Variants in OPRD1 observed in about 807,000 individuals in gnomAD.
The protein encoded by OPRD1 is delta-type opioid receptor.
In OPRD1, 19 loss-of-function variants were observed where a neutral mutation model predicts 17.5. The observed-to-expected ratio is 1.09, with a 90% CI of 0.76 to 1.60. OPRD1 has a LOEUF of 1.60. Among genes scored for constraint, OPRD1 ranks in the 40% most tolerant of loss-of-function variants. OPRD1 has a pLI of 0.00. For synonymous variants in OPRD1, 256 were observed against 240.9 expected, an observed-to-expected ratio of 1.06 and a Z score of -0.58; for missense variants, 483 against 547.2, an observed-to-expected ratio of 0.88 and a Z score of 1.17.
At chr1:28,854,542 C>T (rs910389317) in intron 1 of OPRD1, among the ~76,000 whole-genome samples, 7 of 151,952 alleles carry the variant, frequency 4.6e-5, no homozygotes, top group African/African-American at 1.7e-4. Flanking sequence ...TTAGAGTGAG[C>T]CGCCAACTTA....
rs548071508 is a variant in OPRD1, at chr1:28,821,167, A to G, written c.227+8557A>G. 4.6e-5 allele frequency among the ~76,000 whole-genome samples: 7 copies of G among 152,148 alleles called. No homozygotes were observed. The South Asian group carries it at 1.5e-3, about 32-fold the overall frequency. ...ATCCAGGCTGGAGCACAATGGCACA[A>G]TCTCGGCTCACTGCAACCTCTGCCT... On this transcript the variant is annotated intron_variant, in intron 1 of 2. Transcript: ENST00000234961.
intron 1 of OPRD1, among the ~76,000 whole-genome samples, chr1:28,852,113 G>T (rs2089009319): frequency 6.9e-6 from 1 of 144,598 alleles, no homozygotes; most frequent in Non-Finnish European, 1.5e-5. Flanking sequence ...CTTGGAGTGA[G>T]CCGAGATCAC....
At chr1:28,845,457 C>T (rs920845505) in intron 1 of OPRD1, among the ~76,000 whole-genome samples, 6 of 143,300 alleles carry the variant, frequency 4.2e-5, no homozygotes, top group Admixed American at 1.4e-4. Flanking sequence ...CCAGCCTGGG[C>T]GACAGAGTGA....
At chr1:28,816,784 A>G (rs765851292) in intron 1 of OPRD1, among the ~76,000 whole-genome samples, 1 of 152,044 alleles carries the variant, frequency 6.6e-6, no homozygotes, top group Non-Finnish European at 1.5e-5. Flanking sequence ...TCCTCCGGGC[A>G]GAGTCAGTGT....
intron 1 of OPRD1, among the ~76,000 whole-genome samples, chr1:28,819,807 A>G (rs2088697415): frequency 1.3e-5 from 2 of 152,042 alleles, no homozygotes; most frequent in Admixed American, 1.3e-4. Flanking sequence ...GAAGCGAGGA[A>G]TGGGGATGGG....
At chr1:28,850,508 A>T (rs1318724932) in intron 1 of OPRD1, among the ~76,000 whole-genome samples, 2 of 151,776 alleles carry the variant, frequency 1.3e-5, no homozygotes, top group South Asian at 2.1e-4. Flanking sequence ...TTTTTAGTAG[A>T]GATGAGGTTT....
At chr1:28,858,671 A>C (rs966203229) in intron 1 of OPRD1, among the ~76,000 whole-genome samples, 2 of 149,218 alleles carry the variant, frequency 1.3e-5, no homozygotes, top group Non-Finnish European at 3.0e-5. Flanking sequence ...TCAGCCTCCC[A>C]AGTAGCTGGA....
rs1424849321 is a variant in OPRD1 at position 28,824,686 on chromosome 1, C to T, written c.227+12076C>T. Among the ~76,000 whole-genome samples the T allele has an allele frequency of 3.3e-5, 5 of 152,066 alleles. No individual in the cohort carries two copies. The East Asian group carries it at 9.6e-4, about 29-fold the overall frequency. ...GCCTAGAGATGTATATATATTATCC[C>T]ATTTAATTTTTGCAGACCTCGTAGG... On this transcript the variant is annotated intron_variant, in intron 1 of 2. Transcript: ENST00000234961.
At position 28,812,461 on chromosome 1, in the gene OPRD1, CTGCCCCAGCGCT is replaced by C. The variant is rs2088638936; in HGVS notation, c.79_90del (p.Cys27_Ala30del). The C allele has an allele frequency of 6.6e-7, 1 of 1,522,078 alleles. No individual in the cohort carries two copies. The highest frequency in any genetic ancestry group is 2.6e-5 in the East Asian group (1 of 38,342). The allele number at this position is 1,522,078 out of a possible 1,614,324, so 94.3% of individuals were successfully genotyped here. On this transcript the variant is annotated inframe_deletion, in exon 1 of 3. Coordinates refer to ENST00000234961, the MANE Select transcript of OPRD1 (RefSeq NM_000911.4). ...ACGCCTCGGACGCCTACCCTAGCGC[CTGCCCCAGCGCT>C]GGCGCCAATGCGTCGGGGCCGCCAG...
At chr1:28,833,260 G>A (rs1281884428) in intron 1 of OPRD1, among the ~76,000 whole-genome samples, 1 of 152,228 alleles carries the variant, frequency 6.6e-6, no homozygotes, top group Admixed American at 6.5e-5. Context: ...CCATGTGATG[G>A]TGGGTGTCAC....
chr1:28,868,694 G>C lies in OPRD1; in HGVS notation c.*5411G>C, dbSNP rs1172568331. ...GTCTGTACTAAAAACACAAAAATTAGCCAGGCGTGGTGGCGTGCACCTGTA... is the reference window on the plus strand; with the variant it reads ...GTCTGTACTAAAAACACAAAAATTACCCAGGCGTGGTGGCGTGCACCTGTA... On this transcript the variant is annotated 3_prime_UTR_variant, in exon 3 of 3. Coordinates refer to ENST00000234961, the MANE Select transcript of OPRD1 (RefSeq NM_000911.4). 1 of 152,174 alleles carries C rather than the reference G, an allele frequency of 6.6e-6. No homozygotes were observed. Among genetic ancestry groups the C allele is most frequent in the Non-Finnish European group, 1.5e-5 (1 of 68,098 alleles). The allele number at this position is 152,174 out of a possible 1,614,324, so 9.4% of individuals were successfully genotyped here. A position where few individuals can be genotyped will look rare whatever the true frequency, so the allele number is the denominator to read the frequency against.
intron 1 of OPRD1, among the ~76,000 whole-genome samples, chr1:28,821,590 T>C (rs1458259969): frequency 6.6e-6 from 1 of 152,206 alleles, no homozygotes; most frequent in Non-Finnish European, 1.5e-5. Context: ...CATGATCGCA[T>C]TGCATGTAAT....
chr1:28,855,352 C>G (rs570994200), intron 1 of OPRD1, among the ~76,000 whole-genome samples: 1 of 152,096 alleles, frequency 6.6e-6, no homozygotes. Context: ...ATCAAAGAGG[C>G]CAGTGTGTGG....
intron 1 of OPRD1, among the ~76,000 whole-genome samples, chr1:28,849,012 C>G (rs2088976928): frequency 6.6e-6 from 1 of 152,128 alleles, no homozygotes; most frequent in Non-Finnish European, 1.5e-5. Flanking sequence ...TGCAAGAAGG[C>G]AAGGTTTTTT....
At chr1:28,847,071 G>A (rs1028924674) in intron 1 of OPRD1, among the ~76,000 whole-genome samples, 7 of 68,666 alleles carry the variant, frequency 1.0e-4, no homozygotes, top group African/African-American at 1.5e-4. Context: ...TTTCCTTTCC[G>A]ACGGAGTTTG....
chr1:28,849,738 A>G (rs375193127), intron 1 of OPRD1, among the ~76,000 whole-genome samples: 10 of 152,240 alleles, frequency 6.6e-5, no homozygotes, highest in African/African-American at 2.4e-4. Flanking sequence ...GAAAATACTA[A>G]ACAAGGCTTC....
intron 1 of OPRD1, among the ~76,000 whole-genome samples, chr1:28,834,750 A>G (rs2088836420): frequency 6.6e-6 from 1 of 152,106 alleles, no homozygotes; most frequent in South Asian, 2.1e-4. Context: ...GGGATCTATA[A>G]TAAAAATCAC....
At chr1:28,849,989 C>T (rs1448033316) in intron 1 of OPRD1, among the ~76,000 whole-genome samples, 1 of 151,150 alleles carries the variant, frequency 6.6e-6, no homozygotes, top group East Asian at 2.0e-4. Flanking sequence ...ACGCCATTCT[C>T]CTGCCTCAGC....
Position 28,859,212 on chromosome 1 carries a change from T to A in OPRD1, c.486T>A (p.Pro162=). The change falls in exon 2 of 3, where the codon CCT becomes CCA. Residue 162 remains proline (P), a synonymous_variant. Transcript: ENST00000234961. The part of the protein sequence containing the change: ...HPVKALDFRT[P]AKAKLINICI... ...TCAAGGCCCTGGACTTCCGCACGCC[T>A]GCCAAGGCCAAGCTGATCAACATCT... 3.1e-6 allele frequency: 5 copies of A among 1,614,266 alleles called. No individual in the cohort carries two copies. In the South Asian group the frequency reaches 5.5e-5, roughly 18 times the overall value.
Sources: gnomAD v4.1 joint callset for allele counts (sites outside exome capture counted in the v4.1 genomes callset) on GRCh38, gnomAD v4.1.1 for gene constraint, MANE v1.5 for transcripts, NCBI Gene and HGNC (gene_info 2026-07-23, HGNC 2026-07-21) for gene names.